The following RELN variants were observed in gnomAD, a reference collection of about 807,000 sequenced individuals.
The protein encoded by RELN is reelin.
A neutral mutation model predicts 427.6 loss-of-function variants in RELN; 108 were observed. That is an observed-to-expected ratio of 0.25 (90% CI 0.22 to 0.30). The LOEUF is 0.30. Among genes scored for constraint, RELN ranks in the 10% least tolerant of loss-of-function variants. RELN has a pLI of 1.00. For synonymous variants in RELN, 1,524 were observed against 1,513.4 expected (o/e 1.01, Z -0.16); for missense variants, 3,715 against 4,302.8 (o/e 0.86, Z 3.82).
chr7:103,733,989 C>A (rs1252575055), intron 6 of RELN, among the ~76,000 whole-genome samples: 1 of 152,250 alleles, frequency 6.6e-6, no homozygotes, highest in South Asian at 2.1e-4. Context: ...AAATTCTACT[C>A]TTCCTTTATG....
intron 60 of RELN, among the ~76,000 whole-genome samples, chr7:103,487,897 A>G (rs994272548): frequency 6.6e-6 from 1 of 152,162 alleles, no homozygotes; most frequent in South Asian, 2.1e-4. Context: ...TAATTCCAGC[A>G]CTTTGGGAGG....
At chr7:103,706,483 T>C (rs1422559648) in intron 8 of RELN, among the ~76,000 whole-genome samples, 1 of 152,132 alleles carries the variant, frequency 6.6e-6, no homozygotes, top group Non-Finnish European at 1.5e-5. Flanking sequence ...CGTTTCTACT[T>C]TACAAGTAAG....
intron 11 of RELN, among the ~76,000 whole-genome samples, chr7:103,666,999 C>A (rs761022864): frequency 2.0e-5 from 3 of 152,216 alleles, no homozygotes; most frequent in African/African-American, 4.8e-5. Flanking sequence ...CCATCCTGAA[C>A]TGCCTAAGTT....
intron 2 of RELN, among the ~76,000 whole-genome samples, chr7:103,847,799 C>T (rs1043247624): frequency 8.6e-5 from 13 of 152,022 alleles, no homozygotes; most frequent in African/African-American, 2.2e-4. Flanking sequence ...GTTTCTGTGG[C>T]CTGCATATGT....
rs761802241 is a variant in RELN, at chr7:103,542,822, A to G, written c.6580T>C (p.Cys2194Arg). 25 of 1,614,006 alleles carry G rather than the reference A, an allele frequency of 1.5e-5. No individual in the cohort carries two copies. The highest frequency in any genetic ancestry group is 8.0e-5 in the African/African-American group (6 of 74,934). Residue 2194 changes from cysteine (C) to arginine (R), a missense_variant, in exon 43 of 65, where the codon TGT (cysteine) becomes CGT (arginine). By Grantham distance (180) the Cys-to-Arg change is radical. Coordinates refer to ENST00000428762, the MANE Select transcript of RELN (RefSeq NM_005045.4). ...LMSGGKPSRK[C>R]GILSSGNNLF... ...TTGTTTCCACTAGAAAGGATTCCAC[A>G]CTTTCGAGATGGTTTCCCACCACTC...
At chr7:103,585,518 G>T (rs1831250016) in intron 28 of RELN, among the ~76,000 whole-genome samples, 2 of 152,128 alleles carry the variant, frequency 1.3e-5, no homozygotes, top group Admixed American at 1.3e-4. Flanking sequence ...AATAGAAATT[G>T]TGAACATGCC....
chr7:103,539,281 T>C lies in RELN; in HGVS notation c.6977A>G (p.Asp2326Gly), dbSNP rs1830124301. The C allele has an allele frequency of 1.2e-6, 2 of 1,614,228 alleles. No individual in the cohort carries two copies. Among genetic ancestry groups the C allele is most frequent in the Non-Finnish European group, 1.7e-6 (2 of 1,180,024 alleles). ...TTTCCTACTATCAAGGGTTGTGAAA[T>C]CATCTTCCAAGACCGTATTACCAGA... is the stretch of plus-strand genomic sequence containing the variant. ...NISGNTVLED[D>G]FTTLDSRKWL... The change falls in exon 45 of 65, where the codon GAT becomes GGT. Residue 2326 changes from aspartate (D) to glycine (G), a missense_variant. Around this residue, in one of 4 missense-constraint regions of RELN, gnomAD observed 1,310 missense variants for 1,643.0 expected, o/e 0.80. Transcript: ENST00000428762.
Position 103,640,491 on chromosome 7 carries a change from A to T in RELN, c.2069+52T>A. ...ATTAAATGACTTGCGACTTCAACACATACATTACACATCAAAAAGGAGAAG... is the reference window on the plus strand; with the variant it reads ...ATTAAATGACTTGCGACTTCAACACTTACATTACACATCAAAAAGGAGAAG... On this transcript the variant is annotated intron_variant, in intron 17 of 64. Coordinates refer to ENST00000428762, the MANE Select transcript of RELN (RefSeq NM_005045.4). The surrounding 1 kb of genome is among the most constrained non-coding windows in gnomAD (Gnocchi z 4.1). 1.3e-6 allele frequency: 2 copies of T among 1,570,574 alleles called. No individual in the cohort carries two copies. Among genetic ancestry groups the T allele is most frequent in the Non-Finnish European group, 8.8e-7 (1 of 1,140,824 alleles).
At chr7:103,790,608 G>A (rs115595078) in intron 3 of RELN, among the ~76,000 whole-genome samples, 267 of 152,138 alleles carry the variant, frequency 1.8e-3, no homozygotes, top group African/African-American at 6.2e-3. Flanking sequence ...TTGGAGATGG[G>A]GTCTTTGGGA....
chr7:103,912,046 G>GA (rs1284221856), intron 2 of RELN, among the ~76,000 whole-genome samples: 1 of 151,984 alleles, frequency 6.6e-6, no homozygotes, highest in Non-Finnish European at 1.5e-5. Context: ...AGATAGTGTT[G>GA]AAAATACTAG....
rs1420888480 is a variant in RELN at position 103,723,165 on chromosome 7, T to G, written c.780A>C (p.Thr260=). 54 of 1,596,626 alleles carry G rather than the reference T, an allele frequency of 3.4e-5. No homozygotes were observed. Among genetic ancestry groups the G allele is most frequent in the Non-Finnish European group, 4.6e-5 (54 of 1,164,590 alleles). ...ELITTGLNTT[T]ASVLQFSIGS... is the part of the protein sequence containing the mutation. ...CAATGGAAAATTGGAGGACAGAAGC[T>G]GTTGTTGTATTAAGGCCTGTGGTAA... Residue 260 remains threonine, a synonymous_variant, in exon 8 of 65, where the codon ACA becomes ACC. Transcript: ENST00000428762.
chr7:103,507,744 A>C, intron 51 of RELN, among the ~76,000 whole-genome samples: 1 of 152,184 alleles, frequency 6.6e-6, no homozygotes, highest in Admixed American at 6.5e-5. Flanking sequence ...TGAATCCAGA[A>C]GCTGGTTTTT....
intron 12 of RELN, among the ~76,000 whole-genome samples, chr7:103,660,497 T>C (rs566688904): frequency 6.6e-6 from 1 of 152,326 alleles, no homozygotes; most frequent in African/African-American, 2.4e-5. Flanking sequence ...AATCTGAGGT[T>C]TCCCATGCAA....
chr7:103,877,080 C>T (rs1396172883), intron 2 of RELN, among the ~76,000 whole-genome samples: 1 of 152,102 alleles, frequency 6.6e-6, no homozygotes, highest in Non-Finnish European at 1.5e-5. Context: ...TCTTACCTGT[C>T]TCTTCTCAGG....
rs17154406 is a variant in RELN, at chr7:103,696,993, T to C, written c.1143+860A>G. On this transcript the variant is annotated intron_variant, in intron 10 of 64. Transcript: ENST00000428762. ...GTGTTAGACAACTATTCTGAATTTT[T>C]CCCAAGACTTTTACTTTGTGCTTGC... is the stretch of plus-strand genomic sequence containing the variant. 1.4e-4 allele frequency among the ~76,000 whole-genome samples: 22 copies of C among 152,142 alleles called. No individual in the cohort carries two copies. In the East Asian group the frequency reaches 4.1e-3, roughly 28 times the overall value.
At chr7:103,844,253 C>T (rs1793623194) in intron 2 of RELN, among the ~76,000 whole-genome samples, 1 of 152,174 alleles carries the variant, frequency 6.6e-6, no homozygotes. Flanking sequence ...CTAAAAGCTA[C>T]CTCCAATATT....
chr7:103,920,567 G>GTTTTT (rs530809994), intron 1 of RELN, among the ~76,000 whole-genome samples: 2 of 134,272 alleles, frequency 1.5e-5, no homozygotes, highest in African/African-American at 5.8e-5. Flanking sequence ...CCAGTCTTTG[G>GTTTTT]TTTTTTTTTT....
At chr7:103,929,488 T>G (rs190696373) in intron 1 of RELN, among the ~76,000 whole-genome samples, 3 of 152,264 alleles carry the variant, frequency 2.0e-5, no homozygotes, top group Admixed American at 2.0e-4. Flanking sequence ...CAGAGTTAGG[T>G]TCCTGTGAGG....
At chr7:103,600,262 G>T (rs774912255) in intron 24 of RELN, among the ~76,000 whole-genome samples, 22 of 152,108 alleles carry the variant, frequency 1.4e-4, no homozygotes, top group Non-Finnish European at 3.2e-4. Flanking sequence ...CCTTCCTTTG[G>T]GTTACTGCCC....
Sources: gnomAD v4.1 joint callset for allele counts (sites outside exome capture counted in the v4.1 genomes callset) on GRCh38, gnomAD v4.1.1 for gene constraint, gnomAD v4.1.1 regional missense constraint, Gnocchi (gnomAD v3.1) non-coding constraint, MANE v1.5 for transcripts, NCBI Gene and HGNC (gene_info 2026-07-23, HGNC 2026-07-21) for gene names.